The following LYST variants were observed in gnomAD, a reference collection of about 807,000 sequenced individuals.
LYST encodes the protein lysosomal trafficking regulator, also known as lysosomal-trafficking regulator.
A neutral mutation model predicts 413.6 loss-of-function variants in LYST; 192 were observed. The ratio of observed to expected loss-of-function variants is 0.46; its 90% CI spans 0.41 to 0.52. The LOEUF is 0.52. Among genes scored for constraint, LYST ranks in the 20% least tolerant of loss-of-function variants. The pLI is 0.00. For synonymous variants in LYST, 1,525 were observed against 1,567.3 expected (o/e 0.97, Z 0.64); for missense variants, 3,815 against 4,499.9 (o/e 0.85, Z 4.35).
chr1:235,677,757 C>G, intron 48 of LYST, 138 bp from the exon 49 acceptor site: 2 of 588,332 alleles, frequency 3.4e-6, no homozygotes, highest in Non-Finnish European at 5.8e-6. Flanking sequence ...CAGAGTAAAA[C>G]AAAGAAAGAA....
Position 235,854,343 on chromosome 1 carries a change from C to A in LYST, c.-98+12500G>T, listed in dbSNP as rs1678916790. On this transcript the variant is annotated intron_variant, in intron 1 of 52. Coordinates refer to ENST00000389793, the MANE Select transcript of LYST (RefSeq NM_000081.4). This position sits in a 1 kb window ranked among gnomAD's most constrained non-coding sequence, Gnocchi z 4.1. ...CTAAGTGTCAGGGCCAGGATTCAGACTCATGCAATCCCTTTGTATTCTATA... is the reference window on the plus strand; with the variant it reads ...CTAAGTGTCAGGGCCAGGATTCAGAATCATGCAATCCCTTTGTATTCTATA... Among the ~76,000 whole-genome samples the A allele has an allele frequency of 6.6e-6, 1 of 152,190 alleles. No homozygotes were observed. The highest frequency in any genetic ancestry group is 2.1e-4 in the South Asian group (1 of 4,828).
intron 30 of LYST, among the ~76,000 whole-genome samples, chr1:235,742,496 G>C (rs1310078716): frequency 6.6e-6 from 1 of 151,174 alleles, no homozygotes; most frequent in East Asian, 1.9e-4. Flanking sequence ...GGTGGCAATG[G>C]TTGCACAACA....
At chr1:235,810,643 C>T (rs953058468) in intron 4 of LYST, 109 bp from the exon 5 acceptor site, 7 of 1,003,970 alleles carry the variant, frequency 7.0e-6, no homozygotes, top group Non-Finnish European at 7.5e-6. Context: ...AGTTTATCCT[C>T]AATGTATTTT....
Position 235,833,593 on chromosome 1 carries a change from G to A in LYST, c.-23C>T, listed in dbSNP as rs1304296679. 6.6e-6 allele frequency: 6 copies of A among 907,634 alleles called. No individual in the cohort carries two copies. The highest frequency in any genetic ancestry group is 7.9e-6 in the Non-Finnish European group (6 of 759,012). 56.2% of individuals were successfully genotyped at this position (907,634 alleles called of 1,614,324 possible). ...ATATACTTACCAGTCTTTCACCACT[G>A]CTGTGACATTTACAGTCTATATCAT... On this transcript the variant is annotated 5_prime_UTR_variant, in exon 2 of 53. It introduces an in-frame stop codon into an upstream open reading frame of the 5' UTR. Transcript: ENST00000389793.
Position 235,733,634 on chromosome 1 carries a change from G to T in LYST, c.8670C>A (p.Ile2890=). Residue 2890 remains isoleucine, a synonymous_variant, in exon 34 of 53, where the codon ATC becomes ATA. Coordinates refer to ENST00000389793, the MANE Select transcript of LYST (RefSeq NM_000081.4). The part of the protein sequence containing the change: ...SKDISKIAAD[I]TQAVSLSQGN... ...CTTGGGAGAGAGACACTGCCTGGGT[G>T]ATATCTGCAGCTATTTTAGATATAT... 1 of 1,613,576 alleles carries T rather than the reference G, an allele frequency of 6.2e-7. No individual in the cohort carries two copies. Among genetic ancestry groups the T allele is most frequent in the Non-Finnish European group, 8.5e-7 (1 of 1,179,604 alleles).
intron 11 of LYST, 29 bp downstream of exon 11, chr1:235,793,474 G>T: frequency 9.5e-7 from 1 of 1,056,812 alleles, no homozygotes; most frequent in South Asian, 1.4e-5. Context: ...ATTTATCAGT[G>T]AAAAATGTAA....
chr1:235,699,090 A>G (rs1661336892), intron 45 of LYST, among the ~76,000 whole-genome samples: 1 of 152,014 alleles, frequency 6.6e-6, no homozygotes, highest in Non-Finnish European at 1.5e-5. Flanking sequence ...ATTTATGATC[A>G]TTATTCTCCT....
At chr1:235,869,898 C>T (rs1278341495), upstream of LYST, among the ~76,000 whole-genome samples, 1 of 152,110 alleles carries the variant, frequency 6.6e-6, no homozygotes, top group Non-Finnish European at 1.5e-5. Flanking sequence ...TACAGTCCTG[C>T]TTTAAGGGCT....
chr1:235,726,874 G>A (rs1445650639), intron 38 of LYST, among the ~76,000 whole-genome samples: 1 of 152,134 alleles, frequency 6.6e-6, no homozygotes, highest in Non-Finnish European at 1.5e-5. Context: ...GGGAAAAACT[G>A]TCATCTTTTG....
At chr1:235,693,684 A>G (rs1383907820) in intron 46 of LYST, among the ~76,000 whole-genome samples, 198 bp from the exon 47 acceptor site, 1 of 152,184 alleles carries the variant, frequency 6.6e-6, no homozygotes, top group African/African-American at 2.4e-5. Context: ...GGGTGGGATT[A>G]TATTTTTTCA....
intron 1 of LYST, among the ~76,000 whole-genome samples, chr1:235,877,774 G>T (rs1253434425): frequency 6.7e-6 from 1 of 149,894 alleles, no homozygotes; most frequent in Non-Finnish European, 1.5e-5. Flanking sequence ...TCGCTTAGCA[G>T]TGTAGATGTA....
Position 235,677,126 on chromosome 1 carries a change from T to C in LYST, c.11003A>G (p.Glu3668Gly). 6.2e-7 allele frequency: 1 copy of C among 1,614,030 alleles called. No homozygotes were observed. Among genetic ancestry groups the C allele is most frequent in the South Asian group, 1.1e-5 (1 of 91,082 alleles). ...CACAGTAGCAATATCACCTGAGGTT[T>C]CACTGGCAGAGACAGCTGTGACAGG... ...KSPVTAVSAS[E>G]TSGDIATVCD... Residue 3668 changes from glutamate to glycine, a missense_variant, in exon 50 of 53, where the codon GAA becomes GGA. Glu to Gly is a moderately conservative substitution (Grantham distance 98). Coordinates refer to ENST00000389793, the MANE Select transcript of LYST (RefSeq NM_000081.4).
chr1:235,769,956 A>G (rs1032983990), intron 20 of LYST, among the ~76,000 whole-genome samples: 1 of 152,066 alleles, frequency 6.6e-6, no homozygotes, highest in Non-Finnish European at 1.5e-5. Flanking sequence ...TTGAGTTAGG[A>G]ATTATGACAG....
chr1:235,742,786 T>C (rs1295901208), intron 30 of LYST, among the ~76,000 whole-genome samples: 5 of 152,082 alleles, frequency 3.3e-5, no homozygotes, highest in African/African-American at 9.7e-5. Flanking sequence ...TTGAGTATAA[T>C]AGTCACAAAT....
At chr1:235,829,789 T>C (rs1241847929) in intron 3 of LYST, 1 of 164,244 alleles carries the variant, frequency 6.1e-6, no homozygotes, top group Non-Finnish European at 1.3e-5. Context: ...AAGGACTCAG[T>C]AATTATTAGT....
At chr1:235,842,897 C>T (rs1453295509) in intron 1 of LYST, among the ~76,000 whole-genome samples, 2 of 152,148 alleles carry the variant, frequency 1.3e-5, no homozygotes, top group Admixed American at 6.6e-5. Flanking sequence ...TAAGCTATCA[C>T]CCTCAGTCTT....
chr1:235,853,169 T>C (rs1233494363), intron 1 of LYST: 2 of 169,498 alleles, frequency 1.2e-5, no homozygotes, highest in Middle Eastern at 5.1e-4. Context: ...TGTTTCCACA[T>C]TGTACATTTA....
intron 27 of LYST, 70 bp from the exon 28 acceptor site, chr1:235,751,432 T>A: frequency 7.9e-7 from 1 of 1,264,580 alleles, no homozygotes; most frequent in South Asian, 1.2e-5. Flanking sequence ...ACTGATTTTA[T>A]GTATCATGAC....
chr1:235,667,984 C>T (rs1191847512), intron 50 of LYST, among the ~76,000 whole-genome samples: 2 of 152,076 alleles, frequency 1.3e-5, no homozygotes, highest in African/African-American at 2.4e-5. Flanking sequence ...TTTAAATCAC[C>T]TCTAGATTAT....
Sources: gnomAD v4.1 joint callset for allele counts (sites outside exome capture counted in the v4.1 genomes callset) on GRCh38, gnomAD v4.1.1 for gene constraint, Gnocchi (gnomAD v3.1) non-coding constraint, MANE v1.5 for transcripts, NCBI Gene and HGNC (gene_info 2026-07-23, HGNC 2026-07-21) for gene names.